The following GRM1 variants were observed in gnomAD, a reference collection of about 807,000 sequenced individuals.
The protein encoded by GRM1 is metabotropic glutamate receptor 1.
GRM1 carries 33 observed loss-of-function variants against 90.9 expected under a neutral mutation model. The observed-to-expected ratio is 0.36, with a 90% CI of 0.28 to 0.49. The LOEUF is 0.49. Ranked by LOEUF, GRM1 falls within the 20% of genes least tolerant of loss-of-function variation. The pLI is 0.99. For synonymous variants in GRM1, 700 were observed against 613.2 expected, an observed-to-expected ratio of 1.14 and a Z score of -2.09; for missense variants, 1,190 against 1,534.3, an observed-to-expected ratio of 0.78 and a Z score of 3.75.
intron 5 of GRM1, among the ~76,000 whole-genome samples, chr6:146,365,663 G>T (rs897410144): frequency 2.0e-5 from 3 of 152,152 alleles, no homozygotes; most frequent in African/African-American, 7.2e-5. Context: ...ACCTAGCCTT[G>T]CTCTAGCTGT....
chr6:146,335,526 C>T (rs1007007996), intron 3 of GRM1, among the ~76,000 whole-genome samples: 2 of 152,146 alleles, frequency 1.3e-5, no homozygotes, highest in African/African-American at 4.8e-5. Context: ...TCAACTTCTG[C>T]TTCAGCCATC....
chr6:146,336,361 T>G (rs1784771996), intron 3 of GRM1, among the ~76,000 whole-genome samples: 1 of 152,156 alleles, frequency 6.6e-6, no homozygotes, highest in Non-Finnish European at 1.5e-5. Context: ...AAGTAATGTC[T>G]CAGCTGGAGA....
At chr6:146,351,319 CAG>C (rs1168785790) in intron 3 of GRM1, among the ~76,000 whole-genome samples, 2 of 152,164 alleles carry the variant, frequency 1.3e-5, no homozygotes, top group Non-Finnish European at 2.9e-5. Context: ...ATGCTCACTG[CAG>C]AGAGAAGCAA....
chr6:146,051,588 A>G (rs748647854), intron 1 of GRM1, among the ~76,000 whole-genome samples: 27 of 152,122 alleles, frequency 1.8e-4, no homozygotes, highest in Non-Finnish European at 5.9e-5. Flanking sequence ...TTTGGAAAAT[A>G]TAGCACTTAA....
chr6:146,235,287 T>C (rs1428270462), intron 2 of GRM1, among the ~76,000 whole-genome samples: 1 of 152,152 alleles, frequency 6.6e-6, no homozygotes, highest in Non-Finnish European at 1.5e-5. Flanking sequence ...ATAAAAATGT[T>C]TTTGTTATTC....
chr6:146,375,065 T>A (rs1230304180), intron 5 of GRM1, among the ~76,000 whole-genome samples: 1 of 152,058 alleles, frequency 6.6e-6, no homozygotes, highest in Non-Finnish European at 1.5e-5. Flanking sequence ...GTTTGGTATA[T>A]TGTGTTTTTA....
chr6:146,178,339 G>GTGGATTAAGACCACAA (rs1361472446), intron 2 of GRM1, among the ~76,000 whole-genome samples: 1 of 152,120 alleles, frequency 6.6e-6, no homozygotes, highest in Non-Finnish European at 1.5e-5. Context: ...GAGGTAAAGT[G>GTGGATTAAGACCACAA]CCATTTTCAT....
At chr6:146,246,773 G>C (rs1030276760) in intron 2 of GRM1, among the ~76,000 whole-genome samples, 2 of 152,136 alleles carry the variant, frequency 1.3e-5, no homozygotes, top group Non-Finnish European at 2.9e-5. Flanking sequence ...GATGAAACCA[G>C]ATATATTAAC....
chr6:146,256,756 A>C (rs2114778945), intron 2 of GRM1, among the ~76,000 whole-genome samples: 1 of 152,266 alleles, frequency 6.6e-6, no homozygotes, highest in Non-Finnish European at 1.5e-5. Context: ...TCTCAACTCC[A>C]GGCTTTCTCT....
intron 1 of GRM1, among the ~76,000 whole-genome samples, chr6:146,089,822 A>T (rs1761080369): frequency 6.6e-6 from 1 of 152,118 alleles, no homozygotes; most frequent in South Asian, 2.1e-4. Context: ...TCTCAAAAGA[A>T]TAAAGAGATA....
At chr6:146,164,942 A>G (rs923962663) in intron 2 of GRM1, among the ~76,000 whole-genome samples, 2 of 147,846 alleles carry the variant, frequency 1.4e-5, no homozygotes, top group African/African-American at 2.5e-5. Context: ...TTTTTTTTTT[A>G]CAGTTCTTGC....
chr6:146,324,869 G>A (rs904225733), intron 3 of GRM1, among the ~76,000 whole-genome samples: 15 of 152,044 alleles, frequency 9.9e-5, no homozygotes, highest in African/African-American at 2.9e-4. Context: ...GTTCCCATTC[G>A]GCCATCTTGC....
intron 3 of GRM1, among the ~76,000 whole-genome samples, chr6:146,341,794 G>A (rs1460462327): frequency 6.6e-6 from 1 of 152,176 alleles, no homozygotes; most frequent in Non-Finnish European, 1.5e-5. Context: ...CAACGGTGCA[G>A]CCAGTCTTAA....
At chr6:146,063,694 T>G (rs1461983828) in intron 1 of GRM1, among the ~76,000 whole-genome samples, 2 of 152,108 alleles carry the variant, frequency 1.3e-5, no homozygotes, top group African/African-American at 4.8e-5. Flanking sequence ...AGTTTAGGCT[T>G]TTGAGCACTG....
intron 2 of GRM1, among the ~76,000 whole-genome samples, chr6:146,199,369 C>A (rs1779223114): frequency 6.6e-6 from 1 of 152,256 alleles, no homozygotes; most frequent in Non-Finnish European, 1.5e-5. Context: ...AAGTCAATAT[C>A]CCCTGTCCCC....
intron 3 of GRM1, among the ~76,000 whole-genome samples, chr6:146,318,157 T>G (rs1469576463): frequency 6.6e-6 from 1 of 151,686 alleles, no homozygotes; most frequent in East Asian, 1.9e-4. Flanking sequence ...CCTAGCCCCC[T>G]ATCCCCCAAC....
intron 5 of GRM1, among the ~76,000 whole-genome samples, chr6:146,370,196 A>C (rs1007364375): frequency 6.6e-6 from 1 of 152,042 alleles, no homozygotes; most frequent in Admixed American, 6.6e-5. Context: ...TTAAGTGAAG[A>C]CTTGCATATA....
intron 7 of GRM1, among the ~76,000 whole-genome samples, chr6:146,413,941 G>A (rs955953989): frequency 6.6e-6 from 1 of 152,134 alleles, no homozygotes; most frequent in Non-Finnish European, 1.5e-5. Context: ...AATACACAAT[G>A]TTTATTCTTC....
At chr6:146,289,814 A>G (rs1782911834) in intron 2 of GRM1, among the ~76,000 whole-genome samples, 1 of 152,256 alleles carries the variant, frequency 6.6e-6, no homozygotes, top group Non-Finnish European at 1.5e-5. Context: ...TATGCTGGTA[A>G]CAATAGGCCA....
Sources: gnomAD v4.1 joint callset for allele counts (sites outside exome capture counted in the v4.1 genomes callset) on GRCh38, gnomAD v4.1.1 for gene constraint, MANE v1.5 for transcripts, NCBI Gene and HGNC (gene_info 2026-07-23, HGNC 2026-07-21) for gene names.